SAMD5: variants seen among roughly 807,000 people sequenced by gnomAD.
SAMD5 encodes the protein sterile alpha motif domain-containing protein 5.
A neutral mutation model predicts 11.3 loss-of-function variants in SAMD5; 13 were observed. The ratio of observed to expected loss-of-function variants is 1.15; its 90% CI spans 0.75 to 1.83. The LOEUF is 1.83. SAMD5 is among the 40% of genes most tolerant of loss of function. SAMD5 has a pLI of 0.00. For synonymous variants in SAMD5, 129 were observed against 111.3 expected (o/e 1.16, Z -1.00); for missense variants, 255 against 239.1 (o/e 1.07, Z -0.44).
the SAMD5 span, among the ~76,000 whole-genome samples, chr6:147,832,188 G>A: frequency 6.6e-6 from 1 of 152,072 alleles, no homozygotes; most frequent in Non-Finnish European, 1.5e-5. Context: ...GGTATAGAGA[G>A]TACGTTCAAT....
intron 1 of SAMD5, among the ~76,000 whole-genome samples, chr6:147,718,120 G>A (rs953837983): frequency 3.9e-5 from 6 of 152,092 alleles, no homozygotes; most frequent in African/African-American, 1.2e-4. Context: ...AGTAGACTGC[G>A]TACTATATGA....
the SAMD5 span, among the ~76,000 whole-genome samples, chr6:147,893,827 G>A: frequency 6.6e-6 from 1 of 152,150 alleles, no homozygotes; most frequent in Non-Finnish European, 1.5e-5. Context: ...TACTCAGGTG[G>A]AGGTAATTTT....
the SAMD5 span, among the ~76,000 whole-genome samples, chr6:147,939,940 C>A: frequency 3.9e-5 from 6 of 152,010 alleles, no homozygotes. Context: ...TGGGAGGGAA[C>A]TAGCTCAGTT....
At chr6:147,558,715 C>T (rs1788897385) in intron 1 of SAMD5, among the ~76,000 whole-genome samples, 1 of 152,100 alleles carries the variant, frequency 6.6e-6, no homozygotes, top group South Asian at 2.1e-4. Flanking sequence ...CCTCACTCAC[C>T]TCCAAATGTG....
the SAMD5 span, among the ~76,000 whole-genome samples, chr6:147,837,039 G>A: frequency 8.5e-5 from 13 of 152,256 alleles, no homozygotes; most frequent in African/African-American, 1.4e-4. Flanking sequence ...ACAATGTGCC[G>A]GTAGACATGA....
the SAMD5 span, among the ~76,000 whole-genome samples, chr6:147,811,757 A>G: frequency 2.6e-5 from 4 of 152,218 alleles, no homozygotes; most frequent in Non-Finnish European, 5.9e-5. Flanking sequence ...AGAATGAGTC[A>G]CTGGAAGGAT....
At chr6:147,893,463 T>C in the SAMD5 span, among the ~76,000 whole-genome samples, 5,849 of 152,220 alleles carry the variant, frequency 0.038, 377 homozygotes, top group African/African-American at 0.13. Context: ...AAAACCATAG[T>C]AAAACTTAAG....
At chr6:147,727,226 C>G (rs1583155618) in intron 1 of SAMD5, among the ~76,000 whole-genome samples, 1 of 152,330 alleles carries the variant, frequency 6.6e-6, no homozygotes, top group African/African-American at 2.4e-5. Context: ...GTTGCACAAA[C>G]TGTTCCCTCT....
intron 1 of SAMD5, among the ~76,000 whole-genome samples, chr6:147,517,481 C>G (rs1788188818): frequency 8.9e-6 from 1 of 111,934 alleles, no homozygotes; most frequent in African/African-American, 4.5e-5. Flanking sequence ...AGATCTTATT[C>G]CTAATGATAG....
chr6:147,886,617 C>A, the SAMD5 span, among the ~76,000 whole-genome samples: 24 of 152,100 alleles, frequency 1.6e-4, no homozygotes, highest in Admixed American at 5.2e-4. Flanking sequence ...AAGACTCCAT[C>A]TTACTAGCAG....
chr6:147,750,000 G>A, the SAMD5 span, among the ~76,000 whole-genome samples: 6 of 152,022 alleles, frequency 3.9e-5, no homozygotes, highest in Non-Finnish European at 8.8e-5. Flanking sequence ...CTTATCTGCT[G>A]AATGCATATC....
chr6:147,859,559 G>T, the SAMD5 span, among the ~76,000 whole-genome samples: 20 of 152,234 alleles, frequency 1.3e-4, no homozygotes, highest in African/African-American at 4.8e-4. Context: ...GTGGCTAAAA[G>T]ATAAAACAAT....
chr6:147,593,337 TA>T (rs1398009475), intron 1 of SAMD5, among the ~76,000 whole-genome samples: 17 of 152,084 alleles, frequency 1.1e-4, no homozygotes, highest in Admixed American at 9.8e-4. Context: ...AAATGTATGA[TA>T]AATGTATCAT....
chr6:147,718,253 G>A (rs1583151755), intron 1 of SAMD5, among the ~76,000 whole-genome samples: 1 of 152,170 alleles, frequency 6.6e-6, no homozygotes, highest in Admixed American at 6.5e-5. Flanking sequence ...GCTGAGCATT[G>A]AGGAGCAGAT....
intron 1 of SAMD5, among the ~76,000 whole-genome samples, chr6:147,709,497 T>C (rs556176738): frequency 2.0e-5 from 3 of 152,224 alleles, no homozygotes; most frequent in Non-Finnish European, 4.4e-5. Context: ...GGTTTTGTTT[T>C]GCTTTGGTTT....
intron 1 of SAMD5, among the ~76,000 whole-genome samples, chr6:147,598,595 T>C (rs1388718408): frequency 6.6e-6 from 1 of 152,164 alleles, no homozygotes; most frequent in East Asian, 1.9e-4. Flanking sequence ...GATGCTGACT[T>C]CACAGGTAGC....
intron 1 of SAMD5, among the ~76,000 whole-genome samples, chr6:147,647,014 T>TAATAAA (rs986049705): frequency 3.1e-5 from 4 of 128,564 alleles, no homozygotes; most frequent in East Asian, 2.2e-4. Context: ...ATAATAATAA[T>TAATAAA]AAAATAGCTG....
chr6:147,603,795 AAAC>A (rs1554236239), intron 1 of SAMD5, among the ~76,000 whole-genome samples: 3 of 152,224 alleles, frequency 2.0e-5, no homozygotes, highest in South Asian at 2.1e-4. Context: ...AAACAAAAAA[AAAC>A]AACAACAACA....
At chr6:147,677,926 G>A (rs1271636116) in intron 1 of SAMD5, among the ~76,000 whole-genome samples, 3 of 152,114 alleles carry the variant, frequency 2.0e-5, no homozygotes, top group African/African-American at 7.2e-5. Context: ...GAAAATAGCT[G>A]CTCCATTTAG....
Sources: allele counts gnomAD v4.1 joint callset (sites outside exome capture counted in the v4.1 genomes callset), GRCh38; gene constraint gnomAD v4.1.1; transcripts MANE v1.5; gene names NCBI Gene and HGNC (gene_info 2026-07-23, HGNC 2026-07-21).